Variants in CCDC73 observed in about 807,000 individuals in gnomAD.
CCDC73 encodes coiled-coil domain containing 73, also known as coiled-coil domain-containing protein 73.
CCDC73 carries 95 observed loss-of-function variants against 116.5 expected under a neutral mutation model. The observed-to-expected ratio is 0.82, with a 90% CI of 0.69 to 0.97. The LOEUF is 0.97. CCDC73 is among the 50% of genes least tolerant of loss of function. The probability of loss-of-function intolerance (pLI) is 0.00; values close to 1 mark genes in which losing one functional copy is unlikely to be tolerated. For synonymous variants in CCDC73, 398 were observed against 401.3 expected, an observed-to-expected ratio of 0.99 and a Z score of 0.10; for missense variants, 1,066 against 1,206.8, an observed-to-expected ratio of 0.88 and a Z score of 1.73.
At chr11:32,810,911 A>C in the CCDC73 span, among the ~76,000 whole-genome samples, 1 of 152,018 alleles carries the variant, frequency 6.6e-6, no homozygotes, top group Non-Finnish European at 1.5e-5. Context: ...CGGGTGGATC[A>C]CTTGAAGTCA....
At chr11:32,740,653 ATTGT>A (rs1389321771) in intron 2 of CCDC73, among the ~76,000 whole-genome samples, 2 of 151,402 alleles carry the variant, frequency 1.3e-5, no homozygotes, top group African/African-American at 4.8e-5. Context: ...GCTTTTTTGT[ATTGT>A]TTTTCTTGTT....
chr11:32,748,571 A>G (rs1850260670), intron 2 of CCDC73, among the ~76,000 whole-genome samples: 2 of 152,288 alleles, frequency 1.3e-5, no homozygotes, highest in South Asian at 4.1e-4. Context: ...CTTTCTACTT[A>G]AGATATAAGT....
intron 2 of CCDC73, among the ~76,000 whole-genome samples, chr11:32,742,802 G>C (rs150386767): frequency 0.026 from 4,008 of 152,244 alleles, 71 homozygotes; most frequent in Non-Finnish European, 0.04. Context: ...TTTCATTTAA[G>C]TCTTTGATCC....
At chr11:32,755,423 A>T (rs1382148648) in intron 2 of CCDC73, among the ~76,000 whole-genome samples, 5 of 146,434 alleles carry the variant, frequency 3.4e-5, no homozygotes, top group Admixed American at 3.4e-4. Flanking sequence ...AATCCCAGCT[A>T]CTCAGGAGGC....
chr11:32,765,255 C>A lies in CCDC73; in HGVS notation c.-15-4997G>T, dbSNP rs866493299. Among the ~76,000 whole-genome samples the A allele has an allele frequency of 2.6e-4, 40 of 152,286 alleles. No individual in the cohort carries two copies. The Middle Eastern group carries it at 0.01, about 39-fold the overall frequency. ...TCCAGGAATTGAACTCAGCTCTGCA[C>A]CAAGTGGACCTAAGAGACATCTACA... On this transcript the variant is annotated intron_variant, in intron 1 of 17. Transcript: ENST00000335185.
chr11:32,658,572 A>G (rs1217932574), intron 9 of CCDC73, among the ~76,000 whole-genome samples: 1 of 152,200 alleles, frequency 6.6e-6, no homozygotes, highest in Non-Finnish European at 1.5e-5. Flanking sequence ...AGAATTATTT[A>G]TCATTTCTTC....
At chr11:32,612,119 C>G (rs1855427370) in intron 16 of CCDC73, among the ~76,000 whole-genome samples, 1 of 152,092 alleles carries the variant, frequency 6.6e-6, no homozygotes, top group South Asian at 2.1e-4. Context: ...ACCAAATAGT[C>G]TCTTTAAATT....
the CCDC73 span, chr11:32,830,360 C>T: frequency 2.4e-6 from 2 of 825,742 alleles, no homozygotes; most frequent in Non-Finnish European, 3.4e-6. Flanking sequence ...TTCCTGGGCG[C>T]GCGTCGGGTT....
chr11:32,711,653 G>T (rs1016210898), intron 3 of CCDC73, among the ~76,000 whole-genome samples: 13 of 152,072 alleles, frequency 8.5e-5, no homozygotes, highest in Admixed American at 8.5e-4. Context: ...ATACACACTG[G>T]GTACAGTGTA....
At chr11:32,717,391 G>A (rs1752213734) in intron 3 of CCDC73, among the ~76,000 whole-genome samples, 1 of 152,170 alleles carries the variant, frequency 6.6e-6, no homozygotes, top group East Asian at 1.9e-4. Flanking sequence ...TAAGGGACGA[G>A]TTATGAGGTT....
At chr11:32,694,535 G>A (rs138936109) in intron 6 of CCDC73, among the ~76,000 whole-genome samples, 9 of 152,028 alleles carry the variant, frequency 5.9e-5, no homozygotes, top group Non-Finnish European at 1.2e-4. Flanking sequence ...TGTGGCACAC[G>A]TTTACCTGTG....
At chr11:32,826,872 A>T in the CCDC73 span, among the ~76,000 whole-genome samples, 1 of 152,042 alleles carries the variant, frequency 6.6e-6, no homozygotes, top group South Asian at 2.1e-4. Flanking sequence ...TTATTATTAT[A>T]ATTATTGAGA....
intron 9 of CCDC73, among the ~76,000 whole-genome samples, chr11:32,663,534 C>T (rs1181021106): frequency 6.6e-6 from 1 of 152,116 alleles, no homozygotes; most frequent in Non-Finnish European, 1.5e-5. Context: ...GATTTTGTAT[C>T]CTGAGACTTT....
chr11:32,791,123 G>A lies in CCDC73; in HGVS notation c.-16+3490C>T, dbSNP rs114907655. The stretch of plus-strand genomic sequence containing the variant: ...AGAAAATCTCATACAGGTTTTTCTT[G>A]TTACTAACAGAAAATTTCCATGGGT... On this transcript the variant is annotated intron_variant, in intron 1 of 17. Coordinates refer to ENST00000335185, the MANE Select transcript of CCDC73 (RefSeq NM_001008391.4). Among the ~76,000 whole-genome samples, 536 of 152,174 alleles carry A rather than the reference G, an allele frequency of 3.5e-3. 6 individuals carry two copies. Among genetic ancestry groups the A allele is most frequent in the African/African-American group, 0.012 (517 of 41,518 alleles).
At chr11:32,687,395 G>T (rs1856211545) in intron 6 of CCDC73, among the ~76,000 whole-genome samples, 1 of 152,140 alleles carries the variant, frequency 6.6e-6, no homozygotes, top group South Asian at 2.1e-4. Context: ...AGCAGGAAAA[G>T]GAGGACATCC....
intron 4 of CCDC73, 108 bp downstream of exon 4, chr11:32,702,765 C>G: frequency 1.3e-6 from 1 of 788,664 alleles, no homozygotes; most frequent in East Asian, 2.4e-5. Flanking sequence ...ACCTTGTTCT[C>G]CTTTTTGTCT....
At chr11:32,617,053 G>A (rs919571676) in intron 14 of CCDC73, among the ~76,000 whole-genome samples, 1 of 152,200 alleles carries the variant, frequency 6.6e-6, no homozygotes, top group Non-Finnish European at 1.5e-5. Flanking sequence ...GAGCAAGCAA[G>A]ATTAAGAGTA....
chr11:32,755,234 C>A (rs1850322356), intron 2 of CCDC73, among the ~76,000 whole-genome samples: 1 of 146,536 alleles, frequency 6.8e-6, no homozygotes, highest in Admixed American at 6.9e-5. Flanking sequence ...ATAATTAAGA[C>A]CTTAAATTAT....
intron 4 of CCDC73, among the ~76,000 whole-genome samples, chr11:32,702,594 C>G (rs989398599): frequency 6.6e-6 from 1 of 152,182 alleles, no homozygotes; most frequent in Non-Finnish European, 1.5e-5. Context: ...CAATAACACA[C>G]ACATCCCATT....
Sources: gnomAD v4.1 joint callset for allele counts (sites outside exome capture counted in the v4.1 genomes callset) on GRCh38, gnomAD v4.1.1 for gene constraint, MANE v1.5 for transcripts, NCBI Gene and HGNC (gene_info 2026-07-23, HGNC 2026-07-21) for gene names.